DLGAP1: variants seen among roughly 807,000 people sequenced by gnomAD.
DLGAP1 encodes disks large-associated protein 1.
Under a neutral mutation model 90.8 loss-of-function variants are expected in DLGAP1, and 11 were observed. The ratio of observed to expected loss-of-function variants is 0.12; its 90% CI spans 0.08 to 0.20. The LOEUF is 0.20. Ranked by LOEUF, DLGAP1 falls within the 10% of genes least tolerant of loss-of-function variation. The pLI is 1.00. For synonymous variants in DLGAP1, 558 were observed against 540.7 expected (o/e 1.03, Z -0.44); for missense variants, 1,050 against 1,333.8 (o/e 0.79, Z 3.31).
chr18:4,434,497 C>G (rs1191578670), intron 1 of DLGAP1, among the ~76,000 whole-genome samples: 1 of 152,170 alleles, frequency 6.6e-6, no homozygotes, highest in South Asian at 2.1e-4. Flanking sequence ...CTTTCTTCCC[C>G]TGTGCTGCAA....
At chr18:4,054,141 T>A (rs529893421) in intron 2 of DLGAP1, among the ~76,000 whole-genome samples, 55 of 152,326 alleles carry the variant, frequency 3.6e-4, no homozygotes, top group Middle Eastern at 6.8e-3. Flanking sequence ...CTTTCTCTCA[T>A]GATTCTCACT....
In DLGAP1 at chr18:4,373,403, TG is replaced by T. The variant is rs550907058; in HGVS notation, c.-267+81602del. On this transcript the variant is annotated intron_variant, in intron 1 of 12. Transcript: ENST00000315677. Reference sequence around the variant, plus strand: ...GTGAGAAAACAAGCAAGTGAGGAAGTGGGAGGCATCAAAGGAAGCTCCTAGG... The same window carrying T: ...GTGAGAAAACAAGCAAGTGAGGAAGTGGAGGCATCAAAGGAAGCTCCTAGG... Among the ~76,000 whole-genome samples the T allele has an allele frequency of 2.7e-3, 415 of 152,130 alleles. 1 individual carries two copies. Among genetic ancestry groups the T allele is most frequent in the African/African-American group, 9.5e-3 (395 of 41,514 alleles).
At chr18:4,126,153 G>A (rs954555425) in intron 2 of DLGAP1, among the ~76,000 whole-genome samples, 8 of 152,220 alleles carry the variant, frequency 5.3e-5, no homozygotes, top group Non-Finnish European at 8.8e-5. Flanking sequence ...CTTTTTGTAA[G>A]TGAGTCCTCT....
At chr18:3,749,715 C>A (rs1263981073) in intron 5 of DLGAP1, among the ~76,000 whole-genome samples, 1 of 152,152 alleles carries the variant, frequency 6.6e-6, no homozygotes, top group African/African-American at 2.4e-5. Context: ...CTGTACATTT[C>A]TATCCAGATG....
chr18:4,104,144 A>G (rs1048190769), intron 2 of DLGAP1, among the ~76,000 whole-genome samples: 4 of 151,954 alleles, frequency 2.6e-5, no homozygotes, highest in Non-Finnish European at 4.4e-5. Flanking sequence ...GAATATAAAA[A>G]TTATTTGTTT....
At position 4,087,184 on chromosome 18, in the gene DLGAP1, A is replaced by G. The variant is rs373497481; in HGVS notation, c.-159+63996T>C. 2.6e-5 allele frequency among the ~76,000 whole-genome samples: 4 copies of G among 151,086 alleles called. No individual in the cohort carries two copies. The East Asian group carries it at 5.8e-4, about 22-fold the overall frequency. ...TGTTTCTGCCAAATTCATTTATTTG[A>G]AAGGTGGAGATTATCGAATGCTCCA... is the stretch of plus-strand genomic sequence containing the variant. On this transcript the variant is annotated intron_variant, in intron 2 of 12. Coordinates refer to ENST00000315677, the MANE Select transcript of DLGAP1 (RefSeq NM_004746.4).
intron 3 of DLGAP1, among the ~76,000 whole-genome samples, chr18:3,923,007 G>A (rs571206902): frequency 2.3e-4 from 35 of 151,852 alleles, no homozygotes; most frequent in Admixed American, 4.6e-4. Context: ...GGTGGCGCAC[G>A]CCTGTGGTCC....
At chr18:3,761,529 G>A (rs1189101823) in intron 5 of DLGAP1, among the ~76,000 whole-genome samples, 1 of 151,614 alleles carries the variant, frequency 6.6e-6, no homozygotes, top group African/African-American at 2.4e-5. Context: ...TGTGAATAAT[G>A]CTGTGATGAG....
At chr18:3,829,458 T>TGGGGGGGGGGGGGGG (rs1568204115) in intron 4 of DLGAP1, among the ~76,000 whole-genome samples, 1 of 15,322 alleles carries the variant, frequency 6.5e-5, no homozygotes. Flanking sequence ...TGGGAGGGGG[T>TGGGGGGGGGGGGGGG]GGAGGGTGGG....
At chr18:3,759,830 T>C (rs2063876147) in intron 5 of DLGAP1, among the ~76,000 whole-genome samples, 1 of 152,212 alleles carries the variant, frequency 6.6e-6, no homozygotes, top group Non-Finnish European at 1.5e-5. Context: ...TGGCTTTAAG[T>C]TACACCTTGA....
intron 1 of DLGAP1, among the ~76,000 whole-genome samples, chr18:4,398,546 C>T (rs1223124919): frequency 1.3e-5 from 2 of 152,114 alleles, no homozygotes; most frequent in African/African-American, 4.8e-5. Flanking sequence ...AACTTAATAG[C>T]TATTACAGAA....
chr18:3,547,658 T>G (rs920634951), intron 9 of DLGAP1, among the ~76,000 whole-genome samples: 2 of 152,124 alleles, frequency 1.3e-5, no homozygotes, highest in Admixed American at 1.3e-4. Context: ...GGAACCCTCA[T>G]ACATTGTTGG....
intron 7 of DLGAP1, among the ~76,000 whole-genome samples, chr18:3,701,770 G>A (rs1188046845): frequency 6.6e-6 from 1 of 152,170 alleles, no homozygotes; most frequent in East Asian, 1.9e-4. Flanking sequence ...AGAGCAAAGA[G>A]GGACCTGTTT....
intron 9 of DLGAP1, among the ~76,000 whole-genome samples, chr18:3,557,344 A>C (rs1407500032): frequency 6.6e-6 from 1 of 151,906 alleles, no homozygotes; most frequent in Non-Finnish European, 1.5e-5. Flanking sequence ...ATATGGTGAA[A>C]CTCCGTCTCT....
chr18:3,922,827 T>C (rs755285688), intron 3 of DLGAP1, among the ~76,000 whole-genome samples: 6 of 152,078 alleles, frequency 3.9e-5, no homozygotes, highest in Admixed American at 6.5e-5. Flanking sequence ...TACTGTCAAA[T>C]TTATTTTCAA....
intron 7 of DLGAP1, chr18:3,608,089 G>A (rs2057407753): frequency 6.6e-6 from 1 of 152,264 alleles, no homozygotes; most frequent in South Asian, 2.1e-4. Context: ...ATTTTGGGAG[G>A]ATGCGGGCAG....
Position 3,672,577 on chromosome 18 carries a change from C to CA in DLGAP1, c.1591+56557dup, listed in dbSNP as rs60316690. Among the ~76,000 whole-genome samples the CA allele has an allele frequency of 9.9e-3, 393 of 39,578 alleles. 13 individuals are homozygous for CA. The highest frequency in any genetic ancestry group is 0.059 in the Middle Eastern group (2 of 34). 26.0% of individuals were successfully genotyped at this position (39,578 alleles called of 152,430 possible). ...GGGCAACAAGAGCAAAACTCTATCT[C>CA]AAAAAAAAAAAAAAAAAAAAAAAAA... On this transcript the variant is annotated intron_variant, in intron 7 of 12. Transcript: ENST00000315677.
intron 7 of DLGAP1, among the ~76,000 whole-genome samples, chr18:3,636,125 C>T (rs970900858): frequency 1.3e-5 from 2 of 151,142 alleles, no homozygotes; most frequent in Non-Finnish European, 2.9e-5. Flanking sequence ...TGACTTGACA[C>T]ATGCAACCCT....
At chr18:3,982,874 T>G (rs540250426) in intron 3 of DLGAP1, among the ~76,000 whole-genome samples, 1 of 152,228 alleles carries the variant, frequency 6.6e-6, no homozygotes, top group Non-Finnish European at 1.5e-5. Flanking sequence ...TGCTTAGATA[T>G]CTTATGAAAT....
Sources: gnomAD v4.1 joint callset for allele counts (sites outside exome capture counted in the v4.1 genomes callset) on GRCh38, gnomAD v4.1.1 for gene constraint, MANE v1.5 for transcripts, NCBI Gene and HGNC (gene_info 2026-07-23, HGNC 2026-07-21) for gene names.